Variants in MCF2L2 observed in about 807,000 individuals in gnomAD.
MCF2L2 encodes the protein MCF.2 cell line derived transforming sequence-like 2.
Under a neutral mutation model 150.2 loss-of-function variants are expected in MCF2L2, and 102 were observed. The observed-to-expected ratio is 0.68, with a 90% CI of 0.58 to 0.80. MCF2L2 has a LOEUF of 0.80. Ranked by LOEUF, MCF2L2 falls within the 30% of genes least tolerant of loss-of-function variation. The pLI is 0.00. For synonymous variants in MCF2L2, 465 were observed against 491.3 expected, an observed-to-expected ratio of 0.95 and a Z score of 0.71; for missense variants, 1,256 against 1,372.8, an observed-to-expected ratio of 0.91 and a Z score of 1.34.
At chr3:183,276,693 T>C in intron 15 of MCF2L2, 179 bp downstream of exon 15, 1 of 467,556 alleles carries the variant, frequency 2.1e-6, no homozygotes, top group East Asian at 3.4e-5. Context: ...CTCTTTTGCT[T>C]GTTGCTTTTG....
chr3:183,299,914 G>A, intron 11 of MCF2L2, 91 bp downstream of exon 11: 1 of 1,368,248 alleles, frequency 7.3e-7, no homozygotes, highest in Non-Finnish European at 1.0e-6. Flanking sequence ...AAGCCTCTCA[G>A]CAATCACACA....
chr3:183,229,747 T>G lies in MCF2L2; in HGVS notation c.1964A>C (p.Lys655Thr), dbSNP rs771707628. ...YITPMDFIWL[K>T]HLIPDVLQNN... is the part of the protein sequence containing the mutation. ...CTGAAGAACATCTGGAATTAGATGC[T>G]TTAGCCAAATAAAATCCATTGGAGT... is the stretch of plus-strand genomic sequence containing the variant. Residue 655 changes from lysine (K) to threonine (T), a missense_variant, in exon 17 of 30, where the codon AAG becomes ACG. Physicochemically the swap from Lys to Thr is moderately conservative, Grantham distance 78. Coordinates refer to ENST00000328913, the MANE Select transcript of MCF2L2 (RefSeq NM_015078.4). 3.7e-6 allele frequency: 6 copies of G among 1,600,318 alleles called. No individual in the cohort carries two copies. The South Asian group carries it at 6.6e-5, about 18-fold the overall frequency.
At chr3:183,183,105 C>T (rs1721587088) in intron 27 of MCF2L2, among the ~76,000 whole-genome samples, 2 of 152,216 alleles carry the variant, frequency 1.3e-5, no homozygotes, top group South Asian at 4.1e-4. Context: ...AACTGATCCT[C>T]CCACATCAGC....
chr3:183,223,084 G>C (rs1020461392), intron 20 of MCF2L2, among the ~76,000 whole-genome samples: 1 of 152,212 alleles, frequency 6.6e-6, no homozygotes, highest in Non-Finnish European at 1.5e-5. Flanking sequence ...CTTCCCCTAA[G>C]CCAGACTCCT....
chr3:183,314,081 T>C (rs1056574238), intron 7 of MCF2L2, among the ~76,000 whole-genome samples: 3 of 152,224 alleles, frequency 2.0e-5, no homozygotes, highest in African/African-American at 7.2e-5. Context: ...TGCTTGTGTT[T>C]ACAAGACTTG....
rs76024119 is a variant in MCF2L2, at chr3:183,424,244, C to T, written c.76+3658G>A. Among the ~76,000 whole-genome samples, 533 of 152,274 alleles carry T rather than the reference C, an allele frequency of 3.5e-3. 2 individuals are homozygous for T. Among genetic ancestry groups the T allele is most frequent in the Middle Eastern group, 0.01 (3 of 294 alleles). On this transcript the variant is annotated intron_variant, in intron 1 of 29. Transcript: ENST00000328913. ...CTGCATGGATGAAAACACATCTAGA[C>T]ATGTGTTCACATGTGAACTGCATAT... is the stretch of plus-strand genomic sequence containing the variant.
intron 1 of MCF2L2, among the ~76,000 whole-genome samples, chr3:183,417,168 A>C (rs1715642809): frequency 6.6e-6 from 1 of 151,348 alleles, no homozygotes; most frequent in Non-Finnish European, 1.5e-5. Context: ...GATCATTTAA[A>C]GTATACAAGA....
intron 25 of MCF2L2, among the ~76,000 whole-genome samples, chr3:183,198,760 G>A (rs1251024424): frequency 6.6e-6 from 1 of 152,030 alleles, no homozygotes; most frequent in East Asian, 1.9e-4. Context: ...GAATGCAGGT[G>A]GTCCTTAAAC....
chr3:183,218,505 G>C (rs1268029302), intron 21 of MCF2L2, among the ~76,000 whole-genome samples: 1 of 151,966 alleles, frequency 6.6e-6, no homozygotes, highest in Non-Finnish European at 1.5e-5. Context: ...CGTGGTGGCG[G>C]GTGCCTGTAA....
chr3:183,362,434 T>A (rs1022744249), intron 3 of MCF2L2, among the ~76,000 whole-genome samples: 2 of 151,940 alleles, frequency 1.3e-5, no homozygotes, highest in African/African-American at 2.4e-5. Context: ...GAAGAGATAA[T>A]CTGTACTGAA....
chr3:183,326,962 T>C (rs897709070), intron 5 of MCF2L2, among the ~76,000 whole-genome samples: 2 of 152,260 alleles, frequency 1.3e-5, no homozygotes, highest in African/African-American at 4.8e-5. Flanking sequence ...GACATTCATA[T>C]GTAAAAATAG....
intron 3 of MCF2L2, among the ~76,000 whole-genome samples, chr3:183,351,226 ATATATATATATTTATTTATTTATT>A (rs1287874119): frequency 1.8e-4 from 16 of 89,820 alleles, no homozygotes; most frequent in African/African-American, 1.0e-3. Context: ...ATATATATAT[ATATATATATATTTATTTATTTATT>A]TATCAGAACC....
At position 183,353,017 on chromosome 3, in the gene MCF2L2, T is replaced by A. The variant is rs1711564355; in HGVS notation, c.276-11387A>T. On this transcript the variant is annotated intron_variant, in intron 3 of 29. Transcript: ENST00000328913. ...AGGTAACGATGAGAAGGAACATGGG[T>A]GGAGACACACATGAAACAGATTGTC... Among the ~76,000 whole-genome samples the A allele has an allele frequency of 2.6e-5, 4 of 152,226 alleles. No individual in the cohort carries two copies. In the South Asian group the frequency reaches 8.3e-4, roughly 32 times the overall value.
chr3:183,398,453 T>G (rs1714576676), intron 1 of MCF2L2, among the ~76,000 whole-genome samples: 1 of 151,984 alleles, frequency 6.6e-6, no homozygotes, highest in African/African-American at 2.4e-5. Context: ...CCATTGAAAT[T>G]TGGGTGTTTG....
chr3:183,351,175 T>C (rs1335612845), intron 3 of MCF2L2, among the ~76,000 whole-genome samples: 1 of 116,168 alleles, frequency 8.6e-6, no homozygotes, highest in African/African-American at 3.8e-5. Context: ...GTGTGTGTGA[T>C]ATTTATTTTC....
At chr3:183,294,286 TA>T (rs1312229584) in intron 13 of MCF2L2, among the ~76,000 whole-genome samples, 2 of 152,192 alleles carry the variant, frequency 1.3e-5, no homozygotes, top group Admixed American at 1.3e-4. Flanking sequence ...ATGGGCCTTT[TA>T]AAGGTCCTGA....
intron 15 of MCF2L2, chr3:183,253,230 C>A (rs1259923914): frequency 1.3e-5 from 2 of 151,162 alleles, no homozygotes; most frequent in Admixed American, 1.3e-4. Context: ...GCGCCCCCGC[C>A]CGGGCCCGCC....
chr3:183,211,280 G>A (rs980913232), intron 22 of MCF2L2, among the ~76,000 whole-genome samples: 8 of 152,038 alleles, frequency 5.3e-5, no homozygotes, highest in African/African-American at 9.7e-5. Context: ...CCATCTCCGC[G>A]AACTTGGCTT....
intron 7 of MCF2L2, among the ~76,000 whole-genome samples, chr3:183,316,461 C>T (rs1729608338): frequency 6.6e-6 from 1 of 151,540 alleles, no homozygotes; most frequent in Non-Finnish European, 1.5e-5. Flanking sequence ...TCTCCTGCCT[C>T]AGCCTCCTGA....
Sources: allele counts gnomAD v4.1 joint callset (sites outside exome capture counted in the v4.1 genomes callset), GRCh38; gene constraint gnomAD v4.1.1; transcripts MANE v1.5; gene names NCBI Gene and HGNC (gene_info 2026-07-23, HGNC 2026-07-21).